ABCC4: variants seen among roughly 807,000 people sequenced by gnomAD.
ABCC4 encodes the protein ATP-binding cassette sub-family C member 4.
In ABCC4, 102 loss-of-function variants were observed where a neutral mutation model predicts 168.5. The ratio of observed to expected loss-of-function variants is 0.61; its 90% CI spans 0.52 to 0.71. The LOEUF is 0.71. Ranked by LOEUF, ABCC4 falls within the 30% of genes least tolerant of loss-of-function variation. ABCC4 has a pLI of 0.00. For missense variants in ABCC4, 1,402 were observed against 1,605.8 expected (o/e 0.87, Z 2.17); for synonymous variants, 617 against 590.7 (o/e 1.04, Z -0.65).
chr13:95,247,099 C>T lies in ABCC4; in HGVS notation c.186-4G>A, dbSNP rs766357757. On this transcript the variant is annotated splice_polypyrimidine_tract_variant and splice_region_variant and intron_variant, in intron 2 of 30. Coordinates refer to ENST00000645237, the MANE Select transcript of ABCC4 (RefSeq NM_005845.5). ...TAAAACTTCTTTATCCCAGAACCTA[C>T]AATGAGGAAAAAGCTTCGTAAATAA... 5 of 1,608,506 alleles carry T rather than the reference C, an allele frequency of 3.1e-6. No individual in the cohort carries two copies. The highest frequency in any genetic ancestry group is 4.5e-5 in the East Asian group (2 of 44,854).
At chr13:95,120,874 G>A (rs1363817455) in intron 19 of ABCC4, among the ~76,000 whole-genome samples, 1 of 152,212 alleles carries the variant, frequency 6.6e-6, no homozygotes, top group Non-Finnish European at 1.5e-5. Context: ...CTGTTGGGTG[G>A]AGCCTGGAGA....
intron 1 of ABCC4, among the ~76,000 whole-genome samples, chr13:95,285,303 C>A (rs1351073584): frequency 6.6e-6 from 1 of 151,622 alleles, no homozygotes; most frequent in Non-Finnish European, 1.5e-5. Context: ...GTAATCCCAG[C>A]ACATTGGGAG....
At chr13:95,173,915 C>T (rs1020183392) in intron 13 of ABCC4, among the ~76,000 whole-genome samples, 2 of 152,246 alleles carry the variant, frequency 1.3e-5, no homozygotes, top group Admixed American at 1.3e-4. Context: ...AGAGCGTGAG[C>T]CCTCTCCAGG....
intron 19 of ABCC4, among the ~76,000 whole-genome samples, chr13:95,154,546 A>T (rs1222196558): frequency 6.6e-6 from 1 of 152,242 alleles, no homozygotes. Flanking sequence ...ATTTTCCAGC[A>T]TCACTACTGA....
intron 25 of ABCC4, among the ~76,000 whole-genome samples, chr13:95,064,464 T>C (rs2033443652): frequency 6.7e-6 from 1 of 149,108 alleles, no homozygotes; most frequent in South Asian, 2.2e-4. Flanking sequence ...TACCTGACTA[T>C]ATTTTGTCTC....
intron 14 of ABCC4, among the ~76,000 whole-genome samples, chr13:95,169,687 C>T (rs950805413): frequency 4.6e-5 from 7 of 152,086 alleles, no homozygotes; most frequent in Non-Finnish European, 7.4e-5. Context: ...AATGTCAGCC[C>T]GACGATGGCA....
chr13:95,300,915 G>A (rs1489754381), intron 1 of ABCC4, among the ~76,000 whole-genome samples: 2 of 152,166 alleles, frequency 1.3e-5, no homozygotes, highest in East Asian at 3.8e-4. Flanking sequence ...TCCCCCTTTC[G>A]GCAGCCTGGG....
intron 19 of ABCC4, among the ~76,000 whole-genome samples, chr13:95,136,692 TCTC>T (rs2036154244): frequency 6.6e-6 from 1 of 152,144 alleles, no homozygotes; most frequent in Admixed American, 6.5e-5. Flanking sequence ...ACACATCAAT[TCTC>T]CTAGTTTGAG....
intron 3 of ABCC4, among the ~76,000 whole-genome samples, chr13:95,240,180 AT>A: frequency 6.6e-6 from 1 of 152,210 alleles, no homozygotes; most frequent in East Asian, 1.9e-4. Flanking sequence ...GGGAGGAGGG[AT>A]ATGCAATGAG....
chr13:95,172,425 G>A (rs2037509102), intron 13 of ABCC4, among the ~76,000 whole-genome samples: 1 of 152,070 alleles, frequency 6.6e-6, no homozygotes, highest in Non-Finnish European at 1.5e-5. Context: ...ACAAAAATTA[G>A]CTGGATGTGG....
At chr13:95,207,983 C>T (rs184743694) in intron 6 of ABCC4, 58 bp from the exon 7 acceptor site, 53 of 1,573,704 alleles carry the variant, frequency 3.4e-5, no homozygotes, top group Middle Eastern at 1.7e-4. Context: ...CCCTTATCAG[C>T]GGCAGGCACA....
intron 4 of ABCC4, among the ~76,000 whole-genome samples, chr13:95,226,512 A>G (rs2039470796): frequency 6.6e-6 from 1 of 152,148 alleles, no homozygotes; most frequent in Admixed American, 6.5e-5. Flanking sequence ...ATGGGGAAAG[A>G]GTAGTCTTCA....
chr13:95,232,444 C>T (rs968499490), intron 4 of ABCC4, among the ~76,000 whole-genome samples: 1 of 151,932 alleles, frequency 6.6e-6, no homozygotes, highest in East Asian at 1.9e-4. Flanking sequence ...TTTGGGAGGC[C>T]GAGACGGGCA....
chr13:95,055,869 C>T (rs1307196274), intron 26 of ABCC4: 2 of 151,302 alleles, frequency 1.3e-5, no homozygotes, highest in Non-Finnish European at 2.9e-5. Context: ...GGAGACAGAG[C>T]AAGACTGTCT....
intron 13 of ABCC4, among the ~76,000 whole-genome samples, chr13:95,175,283 T>C (rs1342287110): frequency 1.3e-5 from 2 of 152,080 alleles, no homozygotes; most frequent in Non-Finnish European, 2.9e-5. Flanking sequence ...ACCTTAGAAA[T>C]TGAACAGAGA....
At chr13:95,262,720 C>T (rs2040564137) in intron 1 of ABCC4, among the ~76,000 whole-genome samples, 1 of 151,760 alleles carries the variant, frequency 6.6e-6, no homozygotes, top group African/African-American at 2.4e-5. Context: ...ACAACCTCCG[C>T]TTCCTGGGTT....
At chr13:95,286,122 A>AATTTTTTTTTTTTTTT (rs2041249261) in intron 1 of ABCC4, among the ~76,000 whole-genome samples, 1 of 51,738 alleles carries the variant, frequency 1.9e-5, no homozygotes, top group African/African-American at 4.7e-5. Context: ...TTCCAGAAAA[A>AATTTTTTTTTTTTTTT]CTTTTTTTTT....
chr13:95,029,687 A>G (rs1329845722), intron 30 of ABCC4, among the ~76,000 whole-genome samples: 2 of 152,374 alleles, frequency 1.3e-5, no homozygotes, highest in South Asian at 4.1e-4. Context: ...TTGGGAGCTA[A>G]GAGTTCAGTC....
At chr13:95,117,715 G>A (rs1308518285) in intron 19 of ABCC4, among the ~76,000 whole-genome samples, 1 of 150,936 alleles carries the variant, frequency 6.6e-6, no homozygotes, top group Admixed American at 6.6e-5. Context: ...AGTTAACATA[G>A]GCAATATTCA....
Sources: gnomAD v4.1 joint callset for allele counts (sites outside exome capture counted in the v4.1 genomes callset) on GRCh38, gnomAD v4.1.1 for gene constraint, MANE v1.5 for transcripts, NCBI Gene and HGNC (gene_info 2026-07-23, HGNC 2026-07-21) for gene names.